Variants in EHD4 observed in about 807,000 individuals in gnomAD.
EHD4 encodes EH domain-containing protein 4.
In EHD4, 37 loss-of-function variants were observed where a neutral mutation model predicts 51.0. The ratio of observed to expected loss-of-function variants is 0.73; its 90% CI spans 0.56 to 0.95. EHD4 has a LOEUF of 0.95. Among genes scored for constraint, EHD4 ranks in the 40% least tolerant of loss-of-function variants. The pLI is 0.00. For synonymous variants in EHD4, 297 were observed against 317.3 expected (o/e 0.94, Z 0.68); for missense variants, 632 against 733.1 (o/e 0.86, Z 1.59).
At chr15:41,959,395 CAAAAAAAAAAAAAAAAAA>C (rs36120701) in intron 1 of EHD4, among the ~76,000 whole-genome samples, 3 of 66,412 alleles carry the variant, frequency 4.5e-5, no homozygotes, top group African/African-American at 2.1e-4. Flanking sequence ...GACTTTGTCT[CAAAAAAAAAAAAAAAAAA>C]AAAAAAAAAA....
chr15:41,971,761 A>G (rs1051016757), intron 1 of EHD4, among the ~76,000 whole-genome samples: 9 of 152,158 alleles, frequency 5.9e-5, no homozygotes, highest in African/African-American at 2.2e-4. Flanking sequence ...GTGGGGTGGC[A>G]CGTAAAGACC....
At chr15:41,949,016 CTATATATA>C (rs3035677) in intron 2 of EHD4, among the ~76,000 whole-genome samples, 34,760 of 92,436 alleles carry the variant, frequency 0.38, 6,635 homozygotes, top group Non-Finnish European at 0.44. Flanking sequence ...CAGAGTGAGA[CTATATATA>C]TATATATATA....
chr15:41,903,745 G>C (rs1164660562), intron 5 of EHD4, among the ~76,000 whole-genome samples: 2 of 152,096 alleles, frequency 1.3e-5, no homozygotes, highest in East Asian at 3.9e-4. Context: ...GGTAGTTGGT[G>C]GGGGGACAGA....
chr15:41,929,035 C>T (rs571215066), intron 3 of EHD4, among the ~76,000 whole-genome samples: 1 of 152,316 alleles, frequency 6.6e-6, no homozygotes, highest in South Asian at 2.1e-4. Context: ...GTAATGGCCA[C>T]CTCTTGGAGA....
At chr15:41,949,016 C>A (rs866615391) in intron 2 of EHD4, among the ~76,000 whole-genome samples, 8 of 92,476 alleles carry the variant, frequency 8.7e-5, no homozygotes, top group African/African-American at 2.0e-4. Context: ...CAGAGTGAGA[C>A]TATATATATA....
chr15:41,963,102 C>G (rs1440810200), intron 1 of EHD4, among the ~76,000 whole-genome samples: 1 of 152,120 alleles, frequency 6.6e-6, no homozygotes. Flanking sequence ...CAGCATACTC[C>G]TTAAGAGTCA....
chr15:41,972,113 G>C (rs954884434), intron 1 of EHD4, 146 bp downstream of exon 1: 2 of 743,340 alleles, frequency 2.7e-6, no homozygotes, highest in Non-Finnish European at 3.5e-6. Context: ...GCCGGGGCGG[G>C]GCCGAGGGCA....
At chr15:41,962,693 G>A (rs900237215) in intron 1 of EHD4, among the ~76,000 whole-genome samples, 17 of 152,052 alleles carry the variant, frequency 1.1e-4, no homozygotes, top group South Asian at 4.1e-4. Flanking sequence ...GCCCCCACCC[G>A]GCCGCCGCCC....
intron 3 of EHD4, among the ~76,000 whole-genome samples, chr15:41,924,866 G>A (rs953534338): frequency 2.0e-5 from 3 of 152,020 alleles, no homozygotes; most frequent in African/African-American, 7.2e-5. Flanking sequence ...AGACCAGCCT[G>A]GCCAACTTCG....
Position 41,897,035 on chromosome 15 carries a change from T to G in EHD4, c.*3610A>C, listed in dbSNP as rs1022775420. On this transcript the variant is annotated 3_prime_UTR_variant, in exon 6 of 6. Coordinates refer to ENST00000220325, the MANE Select transcript of EHD4 (RefSeq NM_139265.4). ...TGGGAGAGGGCAGCTCCATGTTTATTGATCAGCAGACTATGTCTTTTTGTT... is the reference window on the plus strand; with the variant it reads ...TGGGAGAGGGCAGCTCCATGTTTATGGATCAGCAGACTATGTCTTTTTGTT... 6 of 152,286 alleles carry G rather than the reference T, an allele frequency of 3.9e-5. No individual in the cohort carries two copies. Among genetic ancestry groups the G allele is most frequent in the African/African-American group, 1.4e-4 (6 of 41,560 alleles). 9.4% of individuals were successfully genotyped at this position (152,286 alleles called of 1,614,324 possible). A position where few individuals can be genotyped will look rare whatever the true frequency, so the allele number is the denominator to read the frequency against.
At chr15:41,906,155 T>G (rs2067510781) in intron 5 of EHD4, among the ~76,000 whole-genome samples, 1 of 152,212 alleles carries the variant, frequency 6.6e-6, no homozygotes, top group Non-Finnish European at 1.5e-5. Flanking sequence ...ATTGAGAACC[T>G]GTCTTTCCAT....
intron 1 of EHD4, among the ~76,000 whole-genome samples, chr15:41,962,388 G>A (rs750620781): frequency 1.3e-5 from 2 of 152,126 alleles, no homozygotes; most frequent in Admixed American, 6.5e-5. Flanking sequence ...ATTTAAGATG[G>A]TATGGTGTTG....
At chr15:41,913,370 T>C (rs888349225) in intron 4 of EHD4, among the ~76,000 whole-genome samples, 1 of 152,172 alleles carries the variant, frequency 6.6e-6, no homozygotes, top group Non-Finnish European at 1.5e-5. Flanking sequence ...TCTTCTGACC[T>C]TTATAATGAG....
chr15:41,926,705 G>C (rs2067664053), intron 3 of EHD4, among the ~76,000 whole-genome samples: 1 of 152,190 alleles, frequency 6.6e-6, no homozygotes, highest in Non-Finnish European at 1.5e-5. Context: ...TCCATGACTA[G>C]CCTCTGCTGC....
In EHD4 at chr15:41,959,827, G is replaced by A. The variant is rs867085904; in HGVS notation, c.237-5887C>T. 1.4e-4 allele frequency among the ~76,000 whole-genome samples: 22 copies of A among 151,846 alleles called. No individual in the cohort carries two copies. The Middle Eastern group carries it at 0.014, about 95-fold the overall frequency. ...TCTACTAAAAGCACAAAAATTAGCC[G>A]GGCGTGGTGGTGCGCACCTGTAATC... On this transcript the variant is annotated intron_variant, in intron 1 of 5. Transcript: ENST00000220325.
At chr15:41,967,710 C>G (rs2067969252) in intron 1 of EHD4, among the ~76,000 whole-genome samples, 1 of 152,174 alleles carries the variant, frequency 6.6e-6, no homozygotes, top group Non-Finnish European at 1.5e-5. Flanking sequence ...ATTACTGAGT[C>G]TAGAAACTTA....
chr15:41,928,386 C>T (rs2067676754), intron 3 of EHD4: 1 of 152,230 alleles, frequency 6.6e-6, no homozygotes, highest in South Asian at 2.1e-4. Flanking sequence ...AAGTATCCGA[C>T]CCAAGGCACA....
In EHD4 at chr15:41,972,511, G is replaced by T; in HGVS notation, c.-17C>A. On this transcript the variant is annotated 5_prime_UTR_variant, in exon 1 of 6. Transcript: ENST00000220325. ...GCTGAACATCCTGCCGCCAGTCCAC[G>T]CTCGGATGGGACCCTGCTCCGGGTT... 6.7e-7 allele frequency: 1 copy of T among 1,491,640 alleles called. No individual in the cohort carries two copies. Among genetic ancestry groups the T allele is most frequent in the Admixed American group, 2.2e-5 (1 of 44,452 alleles). The allele number at this position is 1,491,640 out of a possible 1,614,324, so 92.4% of individuals were successfully genotyped here. A position where few individuals can be genotyped will look rare whatever the true frequency, so the allele number is the denominator to read the frequency against.
chr15:41,919,682 C>T (rs751043724), intron 3 of EHD4, 60 bp from the exon 4 acceptor site: 43 of 1,451,928 alleles, frequency 3.0e-5, no homozygotes, highest in Middle Eastern at 3.7e-4. Context: ...GTTTAATGGG[C>T]GGCTCAGGAA....
Sources: allele counts gnomAD v4.1 joint callset (sites outside exome capture counted in the v4.1 genomes callset), GRCh38; gene constraint gnomAD v4.1.1; transcripts MANE v1.5; gene names NCBI Gene and HGNC (gene_info 2026-07-23, HGNC 2026-07-21).